Variants in SPMIP2 observed in about 807,000 individuals in gnomAD.
SPMIP2 encodes sperm microtubule inner protein 2, also known as protein SPMIP2.
chr4:158,978,508 G>A, the SPMIP2 span, among the ~76,000 whole-genome samples: 514 of 152,174 alleles, frequency 3.4e-3, 8 homozygotes, highest in African/African-American at 0.012. Context: ...TAATATTAAC[G>A]GTGGGGTGTT....
chr4:159,008,294 C>T, the SPMIP2 span, among the ~76,000 whole-genome samples: 43,318 of 152,118 alleles, frequency 0.28, 6,273 homozygotes, highest in African/African-American at 0.31. Flanking sequence ...ATAATTCGGT[C>T]GGGCATGGTG....
the SPMIP2 span, chr4:158,905,972 A>G: frequency 1.3e-5 from 2 of 152,186 alleles, no homozygotes; most frequent in Non-Finnish European, 2.9e-5. Context: ...TAATTTCCCT[A>G]TTAGGGACTA....
chr4:158,934,749 T>C, the SPMIP2 span, among the ~76,000 whole-genome samples: 1 of 152,100 alleles, frequency 6.6e-6, no homozygotes, highest in African/African-American at 2.4e-5. Context: ...ATATCAGAAT[T>C]AGCTTTCATT....
the SPMIP2 span, among the ~76,000 whole-genome samples, chr4:158,974,090 T>C: frequency 4.0e-5 from 6 of 151,264 alleles, no homozygotes; most frequent in Non-Finnish European, 5.9e-5. Flanking sequence ...TCTAGGTAGA[T>C]AAAAATCTGA....
At chr4:158,955,807 C>T in the SPMIP2 span, among the ~76,000 whole-genome samples, 1 of 152,214 alleles carries the variant, frequency 6.6e-6, no homozygotes, top group African/African-American at 2.4e-5. Flanking sequence ...ATATAAAATG[C>T]ATCCTGATTT....
At chr4:158,945,633 C>T in the SPMIP2 span, among the ~76,000 whole-genome samples, 10,587 of 152,178 alleles carry the variant, frequency 0.07, 1,205 homozygotes, top group African/African-American at 0.23. Context: ...CACATAGAGC[C>T]GCATGGCTGT....
chr4:159,013,119 C>A, the SPMIP2 span, among the ~76,000 whole-genome samples: 1 of 152,136 alleles, frequency 6.6e-6, no homozygotes, highest in Non-Finnish European at 1.5e-5. Context: ...GAAATGGGAA[C>A]CCTGTATGTT....
the SPMIP2 span, chr4:159,007,137 G>T: frequency 1.4e-6 from 1 of 691,060 alleles, no homozygotes; most frequent in South Asian, 1.3e-5. Flanking sequence ...AGCCGTGTGG[G>T]GTGCGCCTGA....
chr4:158,960,266 A>G, the SPMIP2 span: 1 of 1,427,384 alleles, frequency 7.0e-7, no homozygotes, highest in Non-Finnish European at 9.7e-7. Flanking sequence ...ATTAATAAAA[A>G]TATATTCATA....
At chr4:159,021,751 A>G in the SPMIP2 span, among the ~76,000 whole-genome samples, 1 of 152,202 alleles carries the variant, frequency 6.6e-6, no homozygotes, top group South Asian at 2.1e-4. Context: ...GTTTGAGAAA[A>G]GAAAGAAATC....
At chr4:159,054,103 C>T in the SPMIP2 span, among the ~76,000 whole-genome samples, 1 of 152,276 alleles carries the variant, frequency 6.6e-6, no homozygotes, top group East Asian at 1.9e-4. Context: ...CCTCCTCAGC[C>T]TCTGAATAGC....
the SPMIP2 span, among the ~76,000 whole-genome samples, chr4:159,011,079 C>A: frequency 6.6e-6 from 1 of 152,130 alleles, no homozygotes; most frequent in East Asian, 1.9e-4. Context: ...TCCCCTCCCT[C>A]ACTCAATTAT....
the SPMIP2 span, among the ~76,000 whole-genome samples, chr4:158,949,890 C>G: frequency 6.6e-5 from 10 of 152,128 alleles, no homozygotes; most frequent in Non-Finnish European, 1.0e-4. Flanking sequence ...CTAGGAGAGG[C>G]AATATTGAAA....
At chr4:158,974,003 A>C in the SPMIP2 span, among the ~76,000 whole-genome samples, 1 of 151,470 alleles carries the variant, frequency 6.6e-6, no homozygotes, top group Non-Finnish European at 1.5e-5. Context: ...AAAAAAAAAA[A>C]AAAGACATGA....
chr4:159,042,309 C>T, the SPMIP2 span, among the ~76,000 whole-genome samples: 4 of 152,238 alleles, frequency 2.6e-5, no homozygotes, highest in African/African-American at 9.6e-5. Context: ...GAGGCTGCTG[C>T]TCTGTAAGTT....
At chr4:159,078,645 G>A in the SPMIP2 span, among the ~76,000 whole-genome samples, 2 of 152,340 alleles carry the variant, frequency 1.3e-5, no homozygotes, top group East Asian at 3.9e-4. Flanking sequence ...CTTGATGACT[G>A]CATGGGTGGA....
chr4:158,979,079 A>G, the SPMIP2 span, among the ~76,000 whole-genome samples: 1 of 152,126 alleles, frequency 6.6e-6, no homozygotes, highest in African/African-American at 2.4e-5. Context: ...AGAGAAGAGG[A>G]ATCTAGAGAG....
At chr4:158,981,533 G>T in the SPMIP2 span, among the ~76,000 whole-genome samples, 29 of 152,120 alleles carry the variant, frequency 1.9e-4, no homozygotes, top group African/African-American at 7.0e-4. Flanking sequence ...CAAACCAGAA[G>T]AGAATAGGGG....
the SPMIP2 span, among the ~76,000 whole-genome samples, chr4:159,006,212 T>A: frequency 6.6e-6 from 1 of 152,362 alleles, no homozygotes; most frequent in Admixed American, 6.5e-5. Context: ...TAACTGTGGC[T>A]CATTAAGATT....
Sources: allele counts gnomAD v4.1 joint callset (sites outside exome capture counted in the v4.1 genomes callset), GRCh38; gene constraint gnomAD v4.1.1; transcripts MANE v1.5; gene names NCBI Gene and HGNC (gene_info 2026-07-23, HGNC 2026-07-21).